Variants in MGAT4A observed in about 807,000 individuals in gnomAD.
MGAT4A encodes the protein N-acetylglucosaminyltransferase IVa.
MGAT4A carries 33 observed loss-of-function variants against 74.1 expected under a neutral mutation model. The observed-to-expected ratio is 0.45, with a 90% CI of 0.34 to 0.60. The LOEUF (loss-of-function observed/expected upper bound fraction) is 0.60. Among genes scored for constraint, MGAT4A ranks in the 20% least tolerant of loss-of-function variants. MGAT4A has a pLI of 0.02. For synonymous variants in MGAT4A, 198 were observed against 210.4 expected, an observed-to-expected ratio of 0.94 and a Z score of 0.51; for missense variants, 479 against 628.3, an observed-to-expected ratio of 0.76 and a Z score of 2.54.
At position 98,681,532 on chromosome 2, in the gene MGAT4A, C is replaced by T. The variant is rs879672972; in HGVS notation, c.95-3061G>A. Among the ~76,000 whole-genome samples the T allele has an allele frequency of 3.5e-4, 54 of 152,264 alleles. 1 individual carries two copies. Among genetic ancestry groups the T allele is most frequent in the Admixed American group, 2.3e-3 (35 of 15,292 alleles). ...TCAGCATAAACACAGTGTCCAAACA[C>T]AGCATGTGTCCAAAACAGATCTTTT... On this transcript the variant is annotated intron_variant, in intron 2 of 15. Transcript: ENST00000393487.
intron 2 of MGAT4A, among the ~76,000 whole-genome samples, chr2:98,707,710 C>T (rs1702459266): frequency 6.6e-6 from 1 of 152,170 alleles, no homozygotes; most frequent in African/African-American, 2.4e-5. Flanking sequence ...AGTGATAGCA[C>T]AGCCATTATT....
intron 8 of MGAT4A, among the ~76,000 whole-genome samples, chr2:98,648,140 A>C (rs1318778462): frequency 6.6e-6 from 1 of 152,206 alleles, no homozygotes; most frequent in Non-Finnish European, 1.5e-5. Context: ...AGCGTATGTG[A>C]AGACTTGAAT....
At chr2:98,703,071 G>A (rs1322316105) in intron 2 of MGAT4A, among the ~76,000 whole-genome samples, 1 of 152,200 alleles carries the variant, frequency 6.6e-6, no homozygotes, top group African/African-American at 2.4e-5. Flanking sequence ...AGTATTCCCA[G>A]ATGCTGGGTT....
chr2:98,657,402 C>T (rs1395889888), intron 6 of MGAT4A, among the ~76,000 whole-genome samples: 1 of 152,166 alleles, frequency 6.6e-6, no homozygotes, highest in Non-Finnish European at 1.5e-5. Context: ...ATCATTACTG[C>T]CCTGTTCCTT....
chr2:98,678,124 G>GGAGGCT (rs1702003068), intron 3 of MGAT4A, among the ~76,000 whole-genome samples, 180 bp downstream of exon 3: 1 of 151,028 alleles, frequency 6.6e-6, no homozygotes, highest in Non-Finnish European at 1.5e-5. Context: ...CAGCTATTCA[G>GGAGGCT]GAGGCTGAGG....
At chr2:98,713,864 T>A (rs1403399845) in intron 2 of MGAT4A, among the ~76,000 whole-genome samples, 1 of 152,200 alleles carries the variant, frequency 6.6e-6, no homozygotes, top group Non-Finnish European at 1.5e-5. Flanking sequence ...TAACAGATTA[T>A]AAATAAATAA....
chr2:98,721,518 G>A (rs1473625330), intron 2 of MGAT4A, among the ~76,000 whole-genome samples: 1 of 151,894 alleles, frequency 6.6e-6, no homozygotes, highest in African/African-American at 2.4e-5. Flanking sequence ...AGAGGAGGTA[G>A]GTGGAAATAA....
chr2:98,719,137 G>A (rs933032851), intron 2 of MGAT4A, among the ~76,000 whole-genome samples: 3 of 152,140 alleles, frequency 2.0e-5, no homozygotes, highest in African/African-American at 4.8e-5. Context: ...TTGCAGGAGA[G>A]AACCTGCAAA....
In MGAT4A at chr2:98,653,115, C is replaced by T. The variant is rs547941544; in HGVS notation, c.774+2330G>A. On this transcript the variant is annotated intron_variant, in intron 8 of 15. Coordinates refer to ENST00000393487, the MANE Select transcript of MGAT4A (RefSeq NM_012214.3). ...ATTTAGAAAAAAATCCAGAAACAAA[C>T]GAAAACAAAAAAAAAAATATACCAA... 3.9e-4 allele frequency among the ~76,000 whole-genome samples: 32 copies of T among 81,728 alleles called. 2 individuals carry two copies. The highest frequency in any genetic ancestry group is 2.6e-3 in the Admixed American group (25 of 9,474). The allele number at this position is 81,728 out of a possible 152,430, so 53.6% of individuals were successfully genotyped here. A position where few individuals can be genotyped will look rare whatever the true frequency, so the allele number is the denominator to read the frequency against.
At chr2:98,713,536 T>C (rs1473972154) in intron 2 of MGAT4A, among the ~76,000 whole-genome samples, 3 of 150,834 alleles carry the variant, frequency 2.0e-5, no homozygotes, top group African/African-American at 7.3e-5. Flanking sequence ...CTGAGACAGG[T>C]GGATCACTTG....
At chr2:98,653,281 C>T (rs987235724) in intron 8 of MGAT4A, among the ~76,000 whole-genome samples, 4 of 136,138 alleles carry the variant, frequency 2.9e-5, no homozygotes, top group African/African-American at 1.1e-4. Flanking sequence ...ACAAACTAAA[C>T]CCAAAATTAG....
chr2:98,682,379 G>A (rs1376005104), intron 2 of MGAT4A, among the ~76,000 whole-genome samples: 2 of 127,980 alleles, frequency 1.6e-5, no homozygotes, highest in Non-Finnish European at 3.1e-5. Flanking sequence ...CCAAGATGGC[G>A]CCATTGCACT....
intron 2 of MGAT4A, among the ~76,000 whole-genome samples, chr2:98,691,479 C>T (rs1304208901): frequency 6.6e-6 from 1 of 151,996 alleles, no homozygotes; most frequent in Non-Finnish European, 1.5e-5. Context: ...AAATTCCTAT[C>T]GCCTAGTGAC....
rs140129174 is a variant in MGAT4A, at chr2:98,714,149, G to A, written c.94+12090C>T. On this transcript the variant is annotated intron_variant, in intron 2 of 15. Transcript: ENST00000393487. The stretch of plus-strand genomic sequence containing the variant: ...GTCACCCAGGCTGGAGTGCAGTGGC[G>A]CGATCTCACCTCACTGCCACCTTCG... Among the ~76,000 whole-genome samples the A allele has an allele frequency of 5.1e-3, 773 of 152,188 alleles. 4 individuals are homozygous for A. The highest frequency in any genetic ancestry group is 0.017 in the African/African-American group (726 of 41,496).
intron 2 of MGAT4A, among the ~76,000 whole-genome samples, chr2:98,691,762 G>A (rs1396221140): frequency 6.6e-6 from 1 of 152,114 alleles, no homozygotes; most frequent in Non-Finnish European, 1.5e-5. Context: ...ATCCTAGAAG[G>A]AGGCACTGTT....
At chr2:98,705,349 G>A (rs1446329861) in intron 2 of MGAT4A, among the ~76,000 whole-genome samples, 1 of 152,078 alleles carries the variant, frequency 6.6e-6, no homozygotes, top group Non-Finnish European at 1.5e-5. Flanking sequence ...ATGCCTAAAC[G>A]AGTTCAGCAG....
intron 2 of MGAT4A, among the ~76,000 whole-genome samples, chr2:98,692,765 G>A (rs1702212687): frequency 6.6e-6 from 1 of 152,204 alleles, no homozygotes; most frequent in African/African-American, 2.4e-5. Context: ...ACGTAGGTGT[G>A]TAGTGGGCTG....
At chr2:98,632,650 C>A (rs1701258381) in intron 14 of MGAT4A, among the ~76,000 whole-genome samples, 1 of 152,236 alleles carries the variant, frequency 6.6e-6, no homozygotes, top group Non-Finnish European at 1.5e-5. Context: ...CTCCATTGGG[C>A]ACAATCTCTG....
At chr2:98,730,783 G>T (rs1428180619) in intron 1 of MGAT4A, among the ~76,000 whole-genome samples, 2 of 148,088 alleles carry the variant, frequency 1.4e-5, no homozygotes, top group Admixed American at 6.7e-5. Context: ...CTGGGAGGAC[G>T]GCCCGGCCCG....
Sources: allele counts gnomAD v4.1 joint callset (sites outside exome capture counted in the v4.1 genomes callset), GRCh38; gene constraint gnomAD v4.1.1; transcripts MANE v1.5; gene names NCBI Gene and HGNC (gene_info 2026-07-23, HGNC 2026-07-21).